The following ASAP3 variants were observed in gnomAD, a reference collection of about 807,000 sequenced individuals.
The protein encoded by ASAP3 is ArfGAP with SH3 domain, ankyrin repeat and PH domain 3, also known as arf-GAP with SH3 domain, ANK repeat and PH domain-containing protein 3.
In ASAP3, 85 loss-of-function variants were observed where a neutral mutation model predicts 118.2. The ratio of observed to expected loss-of-function variants is 0.72; its 90% CI spans 0.60 to 0.86. The LOEUF is 0.86. Among genes scored for constraint, ASAP3 ranks in the 40% least tolerant of loss-of-function variants. ASAP3 has a pLI of 0.00. For missense variants in ASAP3, 1,026 were observed against 1,175.0 expected (o/e 0.87, Z 1.85); for synonymous variants, 432 against 477.4 (o/e 0.90, Z 1.24).
intron 1 of ASAP3, among the ~76,000 whole-genome samples, chr1:23,462,129 T>C (rs1484782909): frequency 1.3e-5 from 2 of 151,794 alleles, no homozygotes; most frequent in Non-Finnish European, 2.9e-5. Flanking sequence ...GTTCACGCCA[T>C]TCTCCTGACT....
In ASAP3 at chr1:23,431,078, T is replaced by C. The variant is rs1377675705; in HGVS notation, c.2594A>G (p.Asp865Gly). Residue 865 changes from aspartate to glycine, a missense_variant, in exon 24 of 25, where the codon GAT (aspartate) becomes GGT (glycine). By Grantham distance (94) the Asp-to-Gly change is moderately conservative (BLOSUM62 -1). Coordinates refer to ENST00000336689, the MANE Select transcript of ASAP3 (RefSeq NM_017707.4). ...CAGAGGCTGCCTGGCTGAGGGACCA[T>C]CTTCAGGGCTCCGCGCCCCCCGCCG... The part of the protein sequence containing the change: ...SYRRGARSPE[D>G]GPSARQPLPR... The C allele has an allele frequency of 1.9e-6, 3 of 1,581,260 alleles. No individual in the cohort carries two copies. The highest frequency in any genetic ancestry group is 2.3e-5 in the East Asian group (1 of 43,458).
chr1:23,465,087 G>A (rs888291635), intron 1 of ASAP3, among the ~76,000 whole-genome samples: 5 of 152,200 alleles, frequency 3.3e-5, no homozygotes, highest in Non-Finnish European at 7.3e-5. Flanking sequence ...TTACTGGGGA[G>A]ATTAAGTAAA....
At chr1:23,472,087 G>A (rs915847644) in intron 1 of ASAP3, among the ~76,000 whole-genome samples, 1 of 152,208 alleles carries the variant, frequency 6.6e-6, no homozygotes, top group African/African-American at 2.4e-5. Flanking sequence ...GGGAAAAGGA[G>A]TGGAGAGTAA....
chr1:23,431,475 G>C (rs79290852), intron 23 of ASAP3, among the ~76,000 whole-genome samples: 2,826 of 152,270 alleles, frequency 0.019, 36 homozygotes, highest in Non-Finnish European at 0.027. Flanking sequence ...ACATCAGCAG[G>C]GAGGATCCCT....
chr1:23,472,451 G>A (rs1455397344), intron 1 of ASAP3, among the ~76,000 whole-genome samples: 4 of 152,112 alleles, frequency 2.6e-5, no homozygotes, highest in African/African-American at 7.2e-5. Flanking sequence ...CTGGGATTAC[G>A]GGTATGAGCC....
intron 3 of ASAP3, among the ~76,000 whole-genome samples, 189 bp from the exon 4 acceptor site, chr1:23,452,960 CG>C (rs746260648): frequency 3.3e-5 from 5 of 150,414 alleles, no homozygotes; most frequent in East Asian, 2.0e-4. Flanking sequence ...GCTGAGCCTG[CG>C]GGGGGGGACT....
chr1:23,452,699 G>T lies in ASAP3; in HGVS notation c.421C>A (p.Gln141Lys), dbSNP rs1050711146. ...LMKGQLRDGR[Q>K]DSKKQLEKAW... is the part of the protein sequence containing the mutation. The stretch of plus-strand genomic sequence containing the variant: ...CCACTCCCAGCATGGAGACTCACCT[G>T]TCGACCGTCCCTCAGCTGCCCCTTC... Residue 141 changes from glutamine (Q) to lysine (K), a missense_variant and splice_region_variant, in exon 4 of 25, where the codon CAG (glutamine) becomes AAG (lysine). Physicochemically the swap from Gln to Lys is moderately conservative, Grantham distance 53. Coordinates refer to ENST00000336689, the MANE Select transcript of ASAP3 (RefSeq NM_017707.4). 1 of 1,613,478 alleles carries T rather than the reference G, an allele frequency of 6.2e-7. No individual in the cohort carries two copies. Among genetic ancestry groups the T allele is most frequent in the African/African-American group, 1.3e-5 (1 of 74,820 alleles).
chr1:23,448,669 G>A lies in ASAP3; in HGVS notation c.473+2810C>T, dbSNP rs139887387. Among the ~76,000 whole-genome samples the A allele has an allele frequency of 8.9e-3, 1,353 of 152,118 alleles. 22 individuals carry two copies. The highest frequency in any genetic ancestry group is 0.031 in the African/African-American group (1,281 of 41,462). On this transcript the variant is annotated intron_variant, in intron 5 of 24. Transcript: ENST00000336689. ...TTAAATAGAGGCAAGGTCTCACTAT[G>A]TTGCCCAGGCTGGTTTCGAACTCCT...
chr1:23,466,858 C>T (rs1397205043), intron 1 of ASAP3, among the ~76,000 whole-genome samples: 1 of 152,164 alleles, frequency 6.6e-6, no homozygotes, highest in African/African-American at 2.4e-5. Context: ...ATGACCATTA[C>T]AGCCATTATT....
intron 18 of ASAP3, 21 bp downstream of exon 18, chr1:23,434,512 G>C (rs1348273559): frequency 6.2e-7 from 1 of 1,613,756 alleles, no homozygotes. Context: ...GAGCCAGACA[G>C]ACAGGCAGGG....
At chr1:23,467,031 C>T (rs1463298093) in intron 1 of ASAP3, among the ~76,000 whole-genome samples, 1 of 151,996 alleles carries the variant, frequency 6.6e-6, no homozygotes, top group African/African-American at 2.4e-5. Context: ...CTGCACCTGG[C>T]TAATTTTCTG....
Position 23,437,538 on chromosome 1 carries a change from C to T in ASAP3, c.1103-66G>A, listed in dbSNP as rs1312556914. The T allele has an allele frequency of 6.3e-6, 10 of 1,594,610 alleles. No homozygotes were observed. The highest frequency in any genetic ancestry group is 7.7e-6 in the Non-Finnish European group (9 of 1,167,434). ...GCTGGCCTTCCCGGAGCCCAGGGAG[C>T]CCCCACCAAAGCCGCTGGGGCCACA... is the stretch of plus-strand genomic sequence containing the variant. On this transcript the variant is annotated intron_variant, in intron 12 of 24. Coordinates refer to ENST00000336689, the MANE Select transcript of ASAP3 (RefSeq NM_017707.4). The surrounding 1 kb of genome is among the most constrained non-coding windows in gnomAD (Gnocchi z 6.1).
At position 23,457,256 on chromosome 1, in the gene ASAP3, C is replaced by A. The variant is rs1427199350; in HGVS notation, c.130-1062G>T. 3.9e-5 allele frequency among the ~76,000 whole-genome samples: 6 copies of A among 152,178 alleles called. No individual in the cohort carries two copies. In the East Asian group the frequency reaches 9.7e-4, roughly 24 times the overall value. On this transcript the variant is annotated intron_variant, in intron 1 of 24. Coordinates refer to ENST00000336689, the MANE Select transcript of ASAP3 (RefSeq NM_017707.4). ...ACCACAGCCCCACCCTGACCCCAGC[C>A]CAGCTGTTCTTCCCAGTGACAAAAA...
At chr1:23,444,632 T>C (rs1260068171) in intron 5 of ASAP3, among the ~76,000 whole-genome samples, 1 of 152,198 alleles carries the variant, frequency 6.6e-6, no homozygotes, top group Non-Finnish European at 1.5e-5. Flanking sequence ...TGTAGGCCCC[T>C]CAAGGCCTCT....
At chr1:23,447,536 G>A (rs1382701493) in intron 5 of ASAP3, among the ~76,000 whole-genome samples, 1 of 152,160 alleles carries the variant, frequency 6.6e-6, no homozygotes, top group Non-Finnish European at 1.5e-5. Flanking sequence ...ATCCCCCAAG[G>A]ATAAGGGGGA....
intron 1 of ASAP3, among the ~76,000 whole-genome samples, chr1:23,465,693 G>C (rs1641744925): frequency 6.6e-6 from 1 of 151,984 alleles, no homozygotes; most frequent in African/African-American, 2.4e-5. Context: ...GTAGAGACAG[G>C]GTTTCGCCAT....
chr1:23,442,077 C>T, intron 7 of ASAP3, 109 bp downstream of exon 7: 1 of 1,220,378 alleles, frequency 8.2e-7, no homozygotes. Flanking sequence ...AAAGTTCTGC[C>T]AAAAAGATGC....
intron 17 of ASAP3, 59 bp from the exon 18 acceptor site, chr1:23,434,677 T>A: frequency 6.6e-7 from 1 of 1,525,924 alleles, no homozygotes; most frequent in African/African-American, 1.4e-5. Context: ...TCCAACCCAG[T>A]ATTTCCCTCT....
At chr1:23,465,252 C>T (rs968262493) in intron 1 of ASAP3, among the ~76,000 whole-genome samples, 1 of 152,238 alleles carries the variant, frequency 6.6e-6, no homozygotes, top group Non-Finnish European at 1.5e-5. Context: ...TGTTGATCCT[C>T]GTCAGCAAGC....
Sources: allele counts gnomAD v4.1 joint callset (sites outside exome capture counted in the v4.1 genomes callset), GRCh38; gene constraint gnomAD v4.1.1; non-coding constraint Gnocchi (gnomAD v3.1); transcripts MANE v1.5; gene names NCBI Gene and HGNC (gene_info 2026-07-23, HGNC 2026-07-21).